The following MDN1 variants were observed in gnomAD, a reference collection of about 807,000 sequenced individuals.
MDN1 encodes the protein midasin AAA ATPase 1.
A neutral mutation model predicts 669.2 loss-of-function variants in MDN1; 266 were observed. The ratio of observed to expected loss-of-function variants is 0.40; its 90% CI spans 0.36 to 0.44. MDN1 has a LOEUF of 0.44. MDN1 is among the 20% of genes least tolerant of loss of function. MDN1 has a pLI of 1.00. For missense variants in MDN1, 5,940 were observed against 6,754.0 expected, an observed-to-expected ratio of 0.88 and a Z score of 4.22; for synonymous variants, 2,385 against 2,457.1, an observed-to-expected ratio of 0.97 and a Z score of 0.87.
At chr6:89,770,994 G>A (rs1818051804) in intron 15 of MDN1, among the ~76,000 whole-genome samples, 1 of 152,142 alleles carries the variant, frequency 6.6e-6, no homozygotes, top group Non-Finnish European at 1.5e-5. Context: ...TGCTGTGGTT[G>A]GGGGGTAAGG....
At chr6:89,668,704 G>C (rs1184290890) in intron 83 of MDN1, among the ~76,000 whole-genome samples, 1 of 152,130 alleles carries the variant, frequency 6.6e-6, no homozygotes, top group Non-Finnish European at 1.5e-5. Flanking sequence ...AAAAAAATAA[G>C]CTGCTAATTA....
chr6:89,753,719 G>T, intron 21 of MDN1, 97 bp from the exon 22 acceptor site: 2 of 974,624 alleles, frequency 2.1e-6, no homozygotes, highest in Non-Finnish European at 3.2e-6. Context: ...GGGTGATGCT[G>T]CTTCCCAACT....
chr6:89,755,573 T>C (rs1472948412), intron 20 of MDN1, among the ~76,000 whole-genome samples: 2 of 152,110 alleles, frequency 1.3e-5, no homozygotes, highest in African/African-American at 4.8e-5. Flanking sequence ...ACTCAATAAG[T>C]ATTTGTATTA....
intron 76 of MDN1, 37 bp downstream of exon 76, chr6:89,677,533 T>C: frequency 6.2e-7 from 1 of 1,611,140 alleles, no homozygotes; most frequent in Non-Finnish European, 8.5e-7. Flanking sequence ...TTGCTCCATT[T>C]ATAAGTAGGG....
intron 86 of MDN1, 31 bp from the exon 87 acceptor site, chr6:89,662,270 C>T: frequency 6.3e-7 from 1 of 1,593,774 alleles, no homozygotes; most frequent in Non-Finnish European, 8.5e-7. Flanking sequence ...AAACAATCAT[C>T]ACACTCAATC....
rs370639116 is a variant in MDN1 at position 89,701,701 on chromosome 6, A to G, written c.8307-23T>C. On this transcript the variant is annotated intron_variant, in intron 54 of 101. Transcript: ENST00000369393. ...TATCTTTAAAGGAGAACAAGGGCACAGGGGAAATAAGGAAAGGGGGAAATG... is the reference window on the plus strand; with the variant it reads ...TATCTTTAAAGGAGAACAAGGGCACGGGGGAAATAAGGAAAGGGGGAAATG... 100 of 1,603,828 alleles carry G rather than the reference A, an allele frequency of 6.2e-5. No homozygotes were observed. In the African/African-American group the frequency reaches 1.2e-3, roughly 19 times the overall value.
At chr6:89,798,622 C>T (rs1187774964) in intron 2 of MDN1, among the ~76,000 whole-genome samples, 3 of 152,126 alleles carry the variant, frequency 2.0e-5, no homozygotes, top group Middle Eastern at 3.4e-3. Flanking sequence ...TAATTTAGCG[C>T]AAGCTAAAAA....
chr6:89,789,280 T>A (rs1298629958), intron 7 of MDN1, among the ~76,000 whole-genome samples: 1 of 152,222 alleles, frequency 6.6e-6, no homozygotes, highest in Non-Finnish European at 1.5e-5. Context: ...ACAGAAGTGG[T>A]CTTTTTACAA....
intron 52 of MDN1, 27 bp from the exon 53 acceptor site, chr6:89,706,219 A>G: frequency 1.3e-6 from 2 of 1,596,400 alleles, no homozygotes; most frequent in African/African-American, 2.7e-5. Flanking sequence ...ATAAAATGAG[A>G]ACATTTCATC....
intron 90 of MDN1, 28 bp downstream of exon 90, chr6:89,658,177 CAGCT>C: frequency 6.2e-7 from 1 of 1,612,402 alleles, no homozygotes; most frequent in Non-Finnish European, 8.5e-7. Flanking sequence ...TACTAAGAGG[CAGCT>C]GGCGGCTGCA....
At chr6:89,659,510 A>G (rs969845826) in intron 88 of MDN1, among the ~76,000 whole-genome samples, 35 of 152,252 alleles carry the variant, frequency 2.3e-4, no homozygotes, top group African/African-American at 8.4e-4. Context: ...ATGGTCTGCA[A>G]AGCCAAAAAT....
At position 89,695,990 on chromosome 6, in the gene MDN1, C is replaced by T. The variant is rs772130955; in HGVS notation, c.9386G>A (p.Arg3129His). The change falls in exon 61 of 102, where the codon CGC becomes CAC. Residue 3129 changes from arginine (R) to histidine (H), a missense_variant and splice_region_variant. Arg to His is a conservative substitution (Grantham distance 29). Transcript: ENST00000369393. The surrounding 1 kb of genome is among the most constrained non-coding windows in gnomAD (Gnocchi z 4.1). ...CTGCCCCTGGAGTTGGGAATCCGTG[C>T]GTCTGTGGGGACAAAAAGAAAGCAC... ...MAISSVAEFR[R>H]TDSQLQGQVL... is the part of the protein sequence containing the mutation. 6.2e-6 allele frequency: 10 copies of T among 1,603,020 alleles called. No individual in the cohort carries two copies. The African/African-American group carries it at 6.7e-5, about 11-fold the overall frequency.
intron 2 of MDN1, among the ~76,000 whole-genome samples, chr6:89,798,316 C>G (rs890620165): frequency 6.6e-6 from 1 of 151,776 alleles, no homozygotes; most frequent in Non-Finnish European, 1.5e-5. Context: ...GAGTTCGAGA[C>G]CAGCCTACCA....
At chr6:89,699,770 C>T in intron 57 of MDN1, 43 bp from the exon 58 acceptor site, 15 of 1,599,294 alleles carry the variant, frequency 9.4e-6, no homozygotes, top group African/African-American at 2.7e-5. Flanking sequence ...TATGGACTAT[C>T]AATGAACTAC....
chr6:89,649,846 G>A (rs1346704675), intron 97 of MDN1, among the ~76,000 whole-genome samples, 178 bp downstream of exon 97: 1 of 152,098 alleles, frequency 6.6e-6, no homozygotes, highest in Non-Finnish European at 1.5e-5. Context: ...TTAAATCTTA[G>A]GTCTTATCAA....
In MDN1 at chr6:89,738,397, C is replaced by T. The variant is rs116318622; in HGVS notation, c.4652G>A (p.Arg1551His). The T allele has an allele frequency of 2.6e-5, 42 of 1,613,922 alleles. No homozygotes were observed. The African/African-American group carries it at 3.9e-4, about 15-fold the overall frequency. ...TEIWCPQSTS[R>H]EDLIQIISHN... is the part of the protein sequence containing the mutation. ...ACTGATGATCTGAATTAAATCTTCACGGCTTGTGCTTTGAGGGCACCATAT... is the reference window on the plus strand; with the variant it reads ...ACTGATGATCTGAATTAAATCTTCATGGCTTGTGCTTTGAGGGCACCATAT... The change falls in exon 33 of 102, where the codon CGT becomes CAT. Residue 1551 changes from arginine to histidine, a missense_variant. Around this residue, in one of 5 missense-constraint regions of MDN1, gnomAD observed 2,292 missense variants for 2,638.3 expected, o/e 0.87. Coordinates refer to ENST00000369393, the MANE Select transcript of MDN1 (RefSeq NM_014611.3).
intron 69 of MDN1, among the ~76,000 whole-genome samples, chr6:89,686,692 C>T (rs573719471): frequency 6.6e-6 from 1 of 152,224 alleles, no homozygotes; most frequent in Non-Finnish European, 1.5e-5. Context: ...ATTTAAACCT[C>T]TCACACTTTT....
chr6:89,819,624 C>T lies in MDN1; in HGVS notation c.-17G>A, dbSNP rs28372875. 0.12 allele frequency: 191,375 copies of T among 1,596,172 alleles called. 12,283 individuals are homozygous for T. Among genetic ancestry groups the T allele is most frequent in the South Asian group, 0.13 (12,166 of 91,004 alleles). On this transcript the variant is annotated 5_prime_UTR_variant, in exon 1 of 102. Transcript: ENST00000369393. ...GTGCTCCATGACCCAGGGCCCTCAC[C>T]CCGAGCGGCCACCTGCGCTCCCTAC...
At chr6:89,683,094 G>A in intron 73 of MDN1, 38 bp downstream of exon 73, 1 of 1,601,970 alleles carries the variant, frequency 6.2e-7, no homozygotes, top group Non-Finnish European at 8.5e-7. Flanking sequence ...CACTTGACTG[G>A]CTTGGGAATA....
Sources: gnomAD v4.1 joint callset for allele counts (sites outside exome capture counted in the v4.1 genomes callset) on GRCh38, gnomAD v4.1.1 for gene constraint, gnomAD v4.1.1 regional missense constraint, Gnocchi (gnomAD v3.1) non-coding constraint, MANE v1.5 for transcripts, NCBI Gene and HGNC (gene_info 2026-07-23, HGNC 2026-07-21) for gene names.